PAPSS1: variants seen among roughly 807,000 people sequenced by gnomAD.
PAPSS1 encodes the protein 3'-phosphoadenosine 5'-phosphosulfate synthase 1.
Under a neutral mutation model 72.0 loss-of-function variants are expected in PAPSS1, and 50 were observed. The observed-to-expected ratio is 0.69, with a 90% CI of 0.55 to 0.88. The LOEUF (loss-of-function observed/expected upper bound fraction) is 0.88, where lower values mean the gene tolerates loss of function less well. Among genes scored for constraint, PAPSS1 ranks in the 40% least tolerant of loss-of-function variants. PAPSS1 has a pLI of 0.00. For missense variants in PAPSS1, 657 were observed against 782.2 expected, an observed-to-expected ratio of 0.84 and a Z score of 1.91; for synonymous variants, 261 against 263.6, an observed-to-expected ratio of 0.99 and a Z score of 0.09.
rs758160800 is a variant in PAPSS1, at chr4:107,701,163, G to A, written c.175+8C>T. The A allele has an allele frequency of 1.3e-6, 2 of 1,587,196 alleles. No individual in the cohort carries two copies. Among genetic ancestry groups the A allele is most frequent in the Non-Finnish European group, 8.7e-7 (1 of 1,156,020 alleles). On this transcript the variant is annotated splice_region_variant and intron_variant, in intron 2 of 11. Coordinates refer to ENST00000265174, the MANE Select transcript of PAPSS1 (RefSeq NM_005443.5). ...TAAAATAAACTGCTTTCTCTCTCTT[G>A]ACCATACCTGTTAGCCAAACTGTGC... is the stretch of plus-strand genomic sequence containing the variant.
chr4:107,688,078 C>T (rs1182535244), intron 3 of PAPSS1, among the ~76,000 whole-genome samples: 2 of 152,174 alleles, frequency 1.3e-5, no homozygotes, highest in East Asian at 3.9e-4. Context: ...TACTAATGAT[C>T]CTTTTCTCCC....
chr4:107,652,831 G>T (rs1405875391), intron 9 of PAPSS1, among the ~76,000 whole-genome samples: 1 of 152,032 alleles, frequency 6.6e-6, no homozygotes, highest in Non-Finnish European at 1.5e-5. Context: ...ACAGTTTGAT[G>T]AATTGTTTTG....
intron 10 of PAPSS1, among the ~76,000 whole-genome samples, chr4:107,644,003 C>T (rs1726628799): frequency 6.6e-6 from 1 of 152,164 alleles, no homozygotes; most frequent in Non-Finnish European, 1.5e-5. Flanking sequence ...ATAGAGAGGT[C>T]TCAAGAAGTC....
intron 11 of PAPSS1, among the ~76,000 whole-genome samples, chr4:107,618,222 G>A (rs183367621): frequency 6.6e-6 from 1 of 152,296 alleles, no homozygotes; most frequent in African/African-American, 2.4e-5. Flanking sequence ...AAAGGCCACA[G>A]AGGGCTTAGG....
intron 9 of PAPSS1, among the ~76,000 whole-genome samples, chr4:107,650,105 A>G (rs1197302315): frequency 1.3e-5 from 2 of 152,202 alleles, no homozygotes; most frequent in African/African-American, 4.8e-5. Flanking sequence ...AGGGGAGGAG[A>G]AGGAGGAAGA....
In PAPSS1 at chr4:107,614,302, G is replaced by A; in HGVS notation, c.1822C>T (p.Pro608Ser). 6.2e-7 allele frequency: 1 copy of A among 1,614,002 alleles called. No individual in the cohort carries two copies. The highest frequency in any genetic ancestry group is 8.5e-7 in the Non-Finnish European group (1 of 1,179,904). The change falls in exon 12 of 12, where the codon CCC becomes TCC. Residue 608 changes from proline (P) to serine (S), a missense_variant. Physicochemically the swap from Pro to Ser is moderately conservative, Grantham distance 74 (BLOSUM62 -1). Around this residue, in one of 7 missense-constraint regions of PAPSS1, gnomAD observed 103 missense variants for 93.8 expected, o/e 1.10. Coordinates refer to ENST00000265174, the MANE Select transcript of PAPSS1 (RefSeq NM_005443.5). Reference protein sequence around the residue: ...GQKPPEGFMAPKAWTVLTEYY... With the variant: ...GQKPPEGFMASKAWTVLTEYY... Reference sequence around the variant, plus strand: ...TCTGTCAGCACGGTCCAAGCCTTGGGAGCCATGAAACCTTCAGGTGGTTTC... The same window carrying A: ...TCTGTCAGCACGGTCCAAGCCTTGGAAGCCATGAAACCTTCAGGTGGTTTC...
intron 5 of PAPSS1, among the ~76,000 whole-genome samples, chr4:107,671,847 T>A (rs1484043974): frequency 1.3e-5 from 2 of 152,248 alleles, no homozygotes; most frequent in African/African-American, 4.8e-5. Context: ...GTATTCTTTT[T>A]CATTGTTGTA....
At chr4:107,660,540 C>T (rs13105250) in intron 5 of PAPSS1, among the ~76,000 whole-genome samples, 2 of 152,154 alleles carry the variant, frequency 1.3e-5, no homozygotes, top group Non-Finnish European at 1.5e-5. Flanking sequence ...AGCTTTACTT[C>T]CACCACTGTG....
intron 11 of PAPSS1, among the ~76,000 whole-genome samples, chr4:107,630,437 C>A (rs1397021060): frequency 6.6e-6 from 1 of 152,170 alleles, no homozygotes; most frequent in Non-Finnish European, 1.5e-5. Context: ...TCTCATAGAT[C>A]TGACGGTTTA....
At chr4:107,672,429 C>G (rs1183467750) in intron 5 of PAPSS1, among the ~76,000 whole-genome samples, 1 of 152,224 alleles carries the variant, frequency 6.6e-6, no homozygotes, top group Non-Finnish European at 1.5e-5. Context: ...TATCCCGTGC[C>G]AGGCTCGGAG....
At chr4:107,680,045 A>T (rs910326509) in intron 5 of PAPSS1, among the ~76,000 whole-genome samples, 1 of 152,176 alleles carries the variant, frequency 6.6e-6, no homozygotes, top group Admixed American at 6.5e-5. Flanking sequence ...CAGAAAAGGG[A>T]TGAAAGAAAC....
chr4:107,719,968 GC>G (rs1348548534), intron 1 of PAPSS1, 151 bp downstream of exon 1: 8 of 1,425,042 alleles, frequency 5.6e-6, no homozygotes, highest in Non-Finnish European at 7.3e-6. Flanking sequence ...ACCACCCACG[GC>G]CCCAGCCGGG....
intron 9 of PAPSS1, among the ~76,000 whole-genome samples, chr4:107,651,074 C>T (rs142289035): frequency 6.6e-6 from 1 of 152,258 alleles, no homozygotes; most frequent in Non-Finnish European, 1.5e-5. Context: ...GAGAAATGAG[C>T]TGTTATACAG....
chr4:107,681,654 G>C (rs1163745265), intron 5 of PAPSS1, among the ~76,000 whole-genome samples: 2 of 152,084 alleles, frequency 1.3e-5, no homozygotes, highest in African/African-American at 2.4e-5. Flanking sequence ...TCTAAGAAAA[G>C]TTAACAACTT....
intron 9 of PAPSS1, among the ~76,000 whole-genome samples, chr4:107,646,204 T>C (rs1029401505): frequency 2.0e-5 from 3 of 151,958 alleles, no homozygotes; most frequent in African/African-American, 7.3e-5. Context: ...ACCTAACATT[T>C]TTCTATCCTT....
chr4:107,615,335 G>A (rs946988181), intron 11 of PAPSS1, among the ~76,000 whole-genome samples: 9 of 152,058 alleles, frequency 5.9e-5, no homozygotes, highest in South Asian at 2.1e-4. Context: ...ATTCAGAGTC[G>A]CTCAGGTCAC....
intron 11 of PAPSS1, among the ~76,000 whole-genome samples, chr4:107,625,986 G>A (rs1002996691): frequency 5.9e-5 from 9 of 151,450 alleles, no homozygotes; most frequent in Non-Finnish European, 1.0e-4. Context: ...AGACCATCCT[G>A]GCTAACACAG....
intron 5 of PAPSS1, among the ~76,000 whole-genome samples, chr4:107,674,510 C>T (rs1314731513): frequency 6.6e-6 from 1 of 152,184 alleles, no homozygotes; most frequent in Non-Finnish European, 1.5e-5. Context: ...TCAACCAATA[C>T]AGGAGCACCC....
chr4:107,623,934 T>A (rs2110297652), intron 11 of PAPSS1, among the ~76,000 whole-genome samples: 1 of 152,366 alleles, frequency 6.6e-6, no homozygotes, highest in East Asian at 1.9e-4. Context: ...GCATTTTTAA[T>A]TTCTTCAGAA....
Sources: gnomAD v4.1 joint callset for allele counts (sites outside exome capture counted in the v4.1 genomes callset) on GRCh38, gnomAD v4.1.1 for gene constraint, gnomAD v4.1.1 regional missense constraint, MANE v1.5 for transcripts, NCBI Gene and HGNC (gene_info 2026-07-23, HGNC 2026-07-21) for gene names.